The following SNTB2 variants were observed in gnomAD, a reference collection of about 807,000 sequenced individuals.
The protein encoded by SNTB2 is beta-2-syntrophin.
A neutral mutation model predicts 46.2 loss-of-function variants in SNTB2; 34 were observed. That is an observed-to-expected ratio of 0.74 (90% CI 0.56 to 0.98). SNTB2 has a LOEUF of 0.98. SNTB2 is among the 50% of genes least tolerant of loss of function. The probability of loss-of-function intolerance (pLI) is 0.00; values close to 1 mark genes in which losing one functional copy is unlikely to be tolerated. For missense variants in SNTB2, 603 were observed against 731.4 expected (o/e 0.82, Z 2.02); for synonymous variants, 290 against 312.6 (o/e 0.93, Z 0.76).
rs879232558 is a variant in SNTB2, at chr16:69,303,701, A to C, written c.*2777A>C. Reference sequence around the variant, plus strand: ...GATGACCAAGGTTGTTCTTCAATCAAATGTGTTTGTGGGATTTTCAGTCCG... The same window carrying C: ...GATGACCAAGGTTGTTCTTCAATCACATGTGTTTGTGGGATTTTCAGTCCG... On this transcript the variant is annotated 3_prime_UTR_variant, in exon 7 of 7. Transcript: ENST00000336278. The C allele has an allele frequency of 1.3e-5, 2 of 152,618 alleles. No individual in the cohort carries two copies. The highest frequency in any genetic ancestry group is 4.8e-5 in the African/African-American group (2 of 41,442). 9.5% of individuals were successfully genotyped at this position (152,618 alleles called of 1,614,324 possible).
At chr16:69,279,515 C>CTTTTTTTTTTTTTTTTTTTTTTTT (rs57637291) in intron 4 of SNTB2, among the ~76,000 whole-genome samples, 2 of 71,734 alleles carry the variant, frequency 2.8e-5, no homozygotes, top group African/African-American at 6.8e-5. Flanking sequence ...GTCCTTTGCC[C>CTTTTTTTTTTTTTTTTTTTTTTTT]TTTTTTTTTT....
intron 1 of SNTB2, among the ~76,000 whole-genome samples, chr16:69,199,443 A>G (rs1164951737): frequency 6.6e-6 from 1 of 151,906 alleles, no homozygotes; most frequent in African/African-American, 2.4e-5. Flanking sequence ...AATTAAAGCG[A>G]TGTTGGCCTG....
chr16:69,279,252 G>C (rs1965013564), intron 4 of SNTB2, among the ~76,000 whole-genome samples: 1 of 152,104 alleles, frequency 6.6e-6, no homozygotes, highest in East Asian at 1.9e-4. Context: ...CCTCATGTAA[G>C]TAGGCTTCAT....
intron 1 of SNTB2, among the ~76,000 whole-genome samples, chr16:69,245,065 A>C (rs1366224343): frequency 1.3e-5 from 2 of 152,202 alleles, no homozygotes; most frequent in African/African-American, 4.8e-5. Flanking sequence ...GAAGACAGGG[A>C]ACCAGTGGGT....
At chr16:69,256,332 A>T (rs973459572) in intron 2 of SNTB2, among the ~76,000 whole-genome samples, 11 of 152,118 alleles carry the variant, frequency 7.2e-5, no homozygotes, top group Non-Finnish European at 1.5e-4. Context: ...AATTTTTTTT[A>T]AATTGTAAAA....
At chr16:69,285,710 C>T (rs559023681) in intron 5 of SNTB2, among the ~76,000 whole-genome samples, 2 of 150,968 alleles carry the variant, frequency 1.3e-5, no homozygotes, top group South Asian at 4.2e-4. Flanking sequence ...AGGCTGGTCT[C>T]AAACTCTTGG....
rs948886144 is a variant in SNTB2 at position 69,308,977 on chromosome 16, T to G, written c.*8053T>G. 6.6e-6 allele frequency: 1 copy of G among 152,556 alleles called. No individual in the cohort carries two copies. Among genetic ancestry groups the G allele is most frequent in the Non-Finnish European group, 1.5e-5 (1 of 68,028 alleles). 9.5% of individuals were successfully genotyped at this position (152,556 alleles called of 1,614,324 possible). A position where few individuals can be genotyped will look rare whatever the true frequency, so the allele number is the denominator to read the frequency against. On this transcript the variant is annotated 3_prime_UTR_variant, in exon 7 of 7. Transcript: ENST00000336278. Reference sequence around the variant, plus strand: ...GTACATTACAATGAAAATGTGTAACTTAAGGGTATTATATATATAAATACA... The same window carrying G: ...GTACATTACAATGAAAATGTGTAACGTAAGGGTATTATATATATAAATACA...
At chr16:69,223,179 T>A (rs1269290545) in intron 1 of SNTB2, among the ~76,000 whole-genome samples, 2 of 151,270 alleles carry the variant, frequency 1.3e-5, no homozygotes, top group Admixed American at 6.6e-5. Context: ...ATAACCATTA[T>A]CAAAACTAAG....
Position 69,187,209 on chromosome 16 carries a change from G to A in SNTB2, c.43G>A (p.Ala15Thr). 1 of 1,431,196 alleles carries A rather than the reference G, an allele frequency of 7.0e-7. No individual in the cohort carries two copies. Among genetic ancestry groups the A allele is most frequent in the Non-Finnish European group, 9.2e-7 (1 of 1,092,732 alleles). The allele number at this position is 1,431,196 out of a possible 1,614,324, so 88.7% of individuals were successfully genotyped here. The change falls in exon 1 of 7, where the codon GCC becomes ACC. Residue 15 changes from alanine (A) to threonine (T), a missense_variant. By Grantham distance (58) the Ala-to-Thr change is moderately conservative (BLOSUM62 0). This residue lies in a region of SNTB2 where 66 missense variants were observed against 39.0 expected (regional missense o/e 1.69). Transcript: ENST00000336278. ...AATAAAGAGP[A>T]MAVWTRATKA... ...GACTGCGGCGGCTGGAGCGGGGCCG[G>A]CCATGGCGGTGTGGACGCGGGCCAC... is the stretch of plus-strand genomic sequence containing the variant.
chr16:69,291,170 C>T (rs777363777), intron 5 of SNTB2, among the ~76,000 whole-genome samples: 3 of 152,160 alleles, frequency 2.0e-5, no homozygotes, highest in Non-Finnish European at 4.4e-5. Context: ...AAGGATGCCC[C>T]AGCCTTTCTC....
intron 5 of SNTB2, among the ~76,000 whole-genome samples, chr16:69,297,310 A>C (rs1315030289): frequency 1.9e-5 from 2 of 107,554 alleles, no homozygotes; most frequent in African/African-American, 7.4e-5. Flanking sequence ...CTATCTCAAA[A>C]AAAAAAAAAA....
chr16:69,192,443 A>T (rs1964064354), intron 1 of SNTB2, among the ~76,000 whole-genome samples: 1 of 152,178 alleles, frequency 6.6e-6, no homozygotes, highest in Non-Finnish European at 1.5e-5. Context: ...TTACCCTCAT[A>T]CTGTTCAGCT....
chr16:69,192,112 T>C (rs1244942214), intron 1 of SNTB2, among the ~76,000 whole-genome samples: 1 of 152,034 alleles, frequency 6.6e-6, no homozygotes, highest in Non-Finnish European at 1.5e-5. Context: ...TTGGCAGCAG[T>C]GGAAGCACTG....
intron 2 of SNTB2, among the ~76,000 whole-genome samples, chr16:69,251,435 G>A (rs1237475343): frequency 4.8e-5 from 7 of 146,926 alleles, no homozygotes; most frequent in African/African-American, 1.8e-4. Flanking sequence ...AAATTTGTAG[G>A]AGTGGAATTG....
intron 5 of SNTB2, among the ~76,000 whole-genome samples, chr16:69,297,843 G>C (rs1965242730): frequency 6.6e-6 from 1 of 152,088 alleles, no homozygotes; most frequent in East Asian, 1.9e-4. Context: ...GAGCCCAGGA[G>C]GGTGAGGTTG....
chr16:69,234,283 T>C (rs1355706546), intron 1 of SNTB2, among the ~76,000 whole-genome samples: 2 of 152,162 alleles, frequency 1.3e-5, no homozygotes, highest in Non-Finnish European at 2.9e-5. Flanking sequence ...TAGTAAGCCG[T>C]GGTTGTACCA....
intron 1 of SNTB2, among the ~76,000 whole-genome samples, chr16:69,226,730 T>C (rs561801202): frequency 1.3e-5 from 2 of 152,292 alleles, no homozygotes; most frequent in African/African-American, 4.8e-5. Flanking sequence ...GGGGTCTCGC[T>C]ATGTTGCCCA....
chr16:69,228,994 C>T (rs555034666), intron 1 of SNTB2, among the ~76,000 whole-genome samples: 14 of 152,220 alleles, frequency 9.2e-5, no homozygotes, highest in African/African-American at 2.9e-4. Context: ...GAGCATCAAT[C>T]GTAGGCTAAT....
At chr16:69,299,535 C>T (rs1965259614) in intron 5 of SNTB2, 55 bp from the exon 6 acceptor site, 6 of 1,547,466 alleles carry the variant, frequency 3.9e-6, no homozygotes, top group Admixed American at 1.8e-5. Context: ...TCCCTTTTCA[C>T]TTGATAACTG....
Sources: allele counts gnomAD v4.1 joint callset (sites outside exome capture counted in the v4.1 genomes callset), GRCh38; gene constraint gnomAD v4.1.1; regional missense constraint gnomAD v4.1.1; transcripts MANE v1.5; gene names NCBI Gene and HGNC (gene_info 2026-07-23, HGNC 2026-07-21).